HSD17B14: variants seen among roughly 807,000 people sequenced by gnomAD.
The protein encoded by HSD17B14 is L-fucose dehydrogenase.
Under a neutral mutation model 32.2 loss-of-function variants are expected in HSD17B14, and 32 were observed. That is an observed-to-expected ratio of 0.99 (90% CI 0.75 to 1.33). The LOEUF is 1.33. Ranked by LOEUF, HSD17B14 falls within the 40% of genes most tolerant of loss-of-function variation. The pLI is 0.00. For missense variants in HSD17B14, 370 were observed against 366.5 expected (o/e 1.01, Z -0.08); for synonymous variants, 140 against 155.4 (o/e 0.90, Z 0.74).
intron 5 of HSD17B14, among the ~76,000 whole-genome samples, chr19:48,824,975 G>A (rs1454896519): frequency 6.6e-6 from 1 of 151,592 alleles, no homozygotes; most frequent in Non-Finnish European, 1.5e-5. Context: ...GGGTGCGGTG[G>A]CTCACGCCTC....
rs937757865 is a variant in HSD17B14, at chr19:48,815,136, G to A, written c.375C>T (p.Ala125=). The A allele has an allele frequency of 6.2e-7, 1 of 1,613,360 alleles. No individual in the cohort carries two copies. The highest frequency in any genetic ancestry group is 1.1e-5 in the South Asian group (1 of 91,068). Residue 125 remains alanine (A), a synonymous_variant, in exon 6 of 9, where the codon GCC becomes GCT. Coordinates refer to ENST00000263278, the MANE Select transcript of HSD17B14 (RefSeq NM_016246.3). The stretch of plus-strand genomic sequence containing the variant: ...CTTGACTCTTCCGCAGGTAGGGGAG[G>A]GCGAGCTAGGGAGACAAGAGGCCAA... ...LLGTYTLTKL[A]LPYLRKSQGN...
intron 5 of HSD17B14, among the ~76,000 whole-genome samples, chr19:48,821,128 TC>T (rs2035141089): frequency 6.6e-6 from 1 of 151,602 alleles, no homozygotes; most frequent in South Asian, 2.1e-4. Flanking sequence ...TTCTCCCATC[TC>T]AGCCTCCTGA....
chr19:48,815,126 G>A lies in HSD17B14; in HGVS notation c.385C>T (p.Leu129=), dbSNP rs1271487439. Residue 129 remains leucine, a synonymous_variant, in exon 6 of 9, where the codon CTG becomes TTG. Transcript: ENST00000263278. ...YTLTKLALPY[L]RKSQGNVINI... is the part of the protein sequence containing the mutation. Reference sequence around the variant, plus strand: ...ATGACATTCCCTTGACTCTTCCGCAGGTAGGGGAGGGCGAGCTAGGGAGAC... The same window carrying A: ...ATGACATTCCCTTGACTCTTCCGCAAGTAGGGGAGGGCGAGCTAGGGAGAC... The A allele has an allele frequency of 3.7e-6, 6 of 1,613,738 alleles. No individual in the cohort carries two copies. In the African/African-American group the frequency reaches 5.3e-5, roughly 14 times the overall value.
At chr19:48,827,010 T>C (rs2035262171) in intron 5 of HSD17B14, among the ~76,000 whole-genome samples, 1 of 151,814 alleles carries the variant, frequency 6.6e-6, no homozygotes, top group South Asian at 2.1e-4. Context: ...AGTTGCTCAG[T>C]TGCTGGAGGT....
At chr19:48,828,003 C>T (rs1302322243) in intron 5 of HSD17B14, among the ~76,000 whole-genome samples, 2 of 151,972 alleles carry the variant, frequency 1.3e-5, no homozygotes, top group Non-Finnish European at 2.9e-5. Context: ...TACAGGAGCC[C>T]GCCACCGCGC....
At chr19:48,830,627 A>G (rs2035321616) in intron 5 of HSD17B14, among the ~76,000 whole-genome samples, 1 of 152,004 alleles carries the variant, frequency 6.6e-6, no homozygotes, top group South Asian at 2.1e-4. Context: ...CTCGGTTACA[A>G]CAAAGCAATC....
chr19:48,822,120 G>A (rs546967507), intron 5 of HSD17B14, among the ~76,000 whole-genome samples: 2 of 149,906 alleles, frequency 1.3e-5, no homozygotes, highest in East Asian at 3.9e-4. Context: ...CAATGATGGT[G>A]ATGCTGATGT....
chr19:48,834,385 TG>T, intron 2 of HSD17B14, 27 bp from the exon 3 acceptor site: 2 of 1,445,020 alleles, frequency 1.4e-6, no homozygotes, highest in South Asian at 1.2e-5. Flanking sequence ...GCTGGGAGCC[TG>T]GACCCCTGGG....
chr19:48,814,966 G>C (rs1253856655), intron 6 of HSD17B14, 71 bp downstream of exon 6: 14 of 1,195,882 alleles, frequency 1.2e-5, no homozygotes, highest in Admixed American at 1.8e-5. Flanking sequence ...TGGCTCCTAA[G>C]TTGTCTGGAC....
intron 5 of HSD17B14, among the ~76,000 whole-genome samples, chr19:48,820,618 G>A (rs1164522565): frequency 1.4e-5 from 2 of 147,050 alleles, no homozygotes; most frequent in African/African-American, 2.5e-5. Flanking sequence ...TGCTACCTCC[G>A]CCTCCCAGGT....
rs758752848 is a variant in HSD17B14, at chr19:48,813,315, C to G, written c.673G>C (p.Gly225Arg). ...LGRMGQPAEV[G>R]AAAVFLASEA... ...GAGGCCAGGAACACTGCCGCAGCCC[C>G]GACCTCAGCGGGCTGGCCCATGCGG... Residue 225 changes from glycine (G) to arginine (R), a missense_variant, in exon 9 of 9, where the codon GGG (glycine) becomes CGG (arginine). Coordinates refer to ENST00000263278, the MANE Select transcript of HSD17B14 (RefSeq NM_016246.3). 2 of 1,595,498 alleles carry G rather than the reference C, an allele frequency of 1.3e-6. No individual in the cohort carries two copies. Among genetic ancestry groups the G allele is most frequent in the Non-Finnish European group, 1.7e-6 (2 of 1,171,156 alleles).
At chr19:48,826,542 T>TATATATATATAGAC in intron 5 of HSD17B14, among the ~76,000 whole-genome samples, 1 of 80,110 alleles carries the variant, frequency 1.2e-5, no homozygotes, top group Admixed American at 1.6e-4. Flanking sequence ...TATATATATA[T>TATATATATATAGAC]ACACACACAC....
At chr19:48,832,583 G>T in intron 4 of HSD17B14, 83 bp downstream of exon 4, 4 of 1,204,426 alleles carry the variant, frequency 3.3e-6, no homozygotes, top group Non-Finnish European at 4.9e-6. Flanking sequence ...GGGAATCAGG[G>T]GCAGGGAGTG....
chr19:48,834,181 G>A, intron 3 of HSD17B14, 95 bp downstream of exon 3: 1 of 1,011,814 alleles, frequency 9.9e-7, no homozygotes, highest in Non-Finnish European at 1.5e-6. Flanking sequence ...AGGAGAGGAA[G>A]GAAAAGTAGA....
rs754620504 is a variant in HSD17B14, at chr19:48,813,350, T to C, written c.640-2A>G. ...GGGCTGGCCCATGCGGCCCAGTGGC[T>C]GGGGAGAAAAGAGGGGGGAAGGAGG... On this transcript the variant is annotated splice_acceptor_variant, in intron 8 of 8. Coordinates refer to ENST00000263278, the MANE Select transcript of HSD17B14 (RefSeq NM_016246.3). LOFTEE classifies it high-confidence loss of function. 3.2e-6 allele frequency: 5 copies of C among 1,573,290 alleles called. No homozygotes were observed. In the African/African-American group the frequency reaches 6.7e-5, roughly 21 times the overall value.
chr19:48,815,049 A>G lies in HSD17B14; in HGVS notation c.462T>C (p.Tyr154=), dbSNP rs747556163. Residue 154 remains tyrosine, a synonymous_variant, in exon 6 of 9, where the codon TAT becomes TAC. Transcript: ENST00000263278. The part of the protein sequence containing the change: ...GAIGQAQAVP[Y]VATKGAVTAM... The stretch of plus-strand genomic sequence containing the variant: ...GGGGCTGCCATACCTTGGTGGCCAC[A>G]TAGGGAACTGCCTGGGCCTGGCCGA... 11 of 1,613,662 alleles carry G rather than the reference A, an allele frequency of 6.8e-6. No homozygotes were observed. Among genetic ancestry groups the G allele is most frequent in the Non-Finnish European group, 8.5e-6 (10 of 1,179,706 alleles).
chr19:48,825,485 T>C (rs1432260892), intron 5 of HSD17B14, among the ~76,000 whole-genome samples: 1 of 151,976 alleles, frequency 6.6e-6, no homozygotes, highest in African/African-American at 2.4e-5. Context: ...TTTTGTTTAT[T>C]TTTGGTTGAG....
At chr19:48,815,275 GCTAGAGACGGCAT>G in intron 5 of HSD17B14, 134 bp from the exon 6 acceptor site, 2 of 679,548 alleles carry the variant, frequency 2.9e-6, no homozygotes, top group East Asian at 5.6e-5. Flanking sequence ...CTCAGTGACT[GCTAGAGACGGCAT>G]CTAACATAAC....
At chr19:48,834,058 T>G (rs963026427) in intron 3 of HSD17B14, among the ~76,000 whole-genome samples, 9 of 152,154 alleles carry the variant, frequency 5.9e-5, no homozygotes, top group African/African-American at 2.2e-4. Context: ...TTAAATGTGC[T>G]AAGAGCCTTG....
Sources: gnomAD v4.1 joint callset for allele counts (sites outside exome capture counted in the v4.1 genomes callset) on GRCh38, gnomAD v4.1.1 for gene constraint, MANE v1.5 for transcripts, NCBI Gene and HGNC (gene_info 2026-07-23, HGNC 2026-07-21) for gene names.